Variants in NFIA observed in about 807,000 individuals in gnomAD.
NFIA encodes the protein nuclear factor 1 A-type.
In NFIA, 8 loss-of-function variants were observed where a neutral mutation model predicts 62.8. The ratio of observed to expected loss-of-function variants is 0.13; its 90% CI spans 0.07 to 0.23. The LOEUF is 0.23. NFIA is among the 10% of genes least tolerant of loss of function. The pLI is 1.00. For missense variants in NFIA, 410 were observed against 642.1 expected (o/e 0.64, Z 3.91); for synonymous variants, 235 against 238.1 (o/e 0.99, Z 0.12).
intron 7 of NFIA, among the ~76,000 whole-genome samples, chr1:61,388,833 G>A (rs1664830086): frequency 6.6e-6 from 1 of 152,194 alleles, no homozygotes; most frequent in South Asian, 2.1e-4. Flanking sequence ...ACAAGTATGT[G>A]GCTAGGTATG....
At chr1:61,398,321 A>G (rs1287610138) in intron 7 of NFIA, among the ~76,000 whole-genome samples, 2 of 152,214 alleles carry the variant, frequency 1.3e-5, no homozygotes, top group Non-Finnish European at 2.9e-5. Context: ...AAGGTCTTGA[A>G]GTAGCTAAAA....
At chr1:61,118,772 A>T (rs556604158) in intron 2 of NFIA, among the ~76,000 whole-genome samples, 1 of 151,880 alleles carries the variant, frequency 6.6e-6, no homozygotes, top group East Asian at 1.9e-4. Flanking sequence ...TAAAGTTCAT[A>T]TTGGCGGGAG....
chr1:61,448,045 T>C (rs1400326641), intron 10 of NFIA, among the ~76,000 whole-genome samples: 1 of 152,174 alleles, frequency 6.6e-6, no homozygotes, highest in Non-Finnish European at 1.5e-5. Context: ...TTGTGTACAG[T>C]GGGGGTTTGT....
intron 2 of NFIA, among the ~76,000 whole-genome samples, chr1:61,266,492 G>A (rs1019646280): frequency 7.9e-5 from 12 of 151,948 alleles, no homozygotes; most frequent in Admixed American, 5.9e-4. Context: ...CCATCCTCCC[G>A]GTTCAAGCAA....
chr1:61,291,169 A>C (rs1557686237), intron 3 of NFIA, among the ~76,000 whole-genome samples: 1 of 152,208 alleles, frequency 6.6e-6, no homozygotes, highest in Non-Finnish European at 1.5e-5. Context: ...AGGAATAGCC[A>C]GTCAAGACTG....
rs761329416 is a variant in NFIA, at chr1:61,232,116, AAGATTAAAC to A, written c.560-45400_560-45392del. ...TGGGAAAGTATAAAGCAAGTCCACAAAGATTAAACAGAACAGAACAGTGATTCTGGATTT... is the reference window on the plus strand; with the variant it reads ...TGGGAAAGTATAAAGCAAGTCCACAAAGAACAGAACAGTGATTCTGGATTT... On this transcript the variant is annotated intron_variant, in intron 2 of 10. Coordinates refer to ENST00000403491, the MANE Select transcript of NFIA (RefSeq NM_001134673.4). Among the ~76,000 whole-genome samples, 51 of 152,202 alleles carry A rather than the reference AAGATTAAAC, an allele frequency of 3.4e-4. 1 individual carries two copies. The highest frequency in any genetic ancestry group is 6.8e-4 in the Non-Finnish European group (46 of 68,040).
At chr1:61,419,212 G>A (rs546724877) in intron 9 of NFIA, among the ~76,000 whole-genome samples, 36 of 152,254 alleles carry the variant, frequency 2.4e-4, no homozygotes, top group African/African-American at 7.9e-4. Flanking sequence ...GGAGGCCATC[G>A]CAGGAAGATT....
At chr1:61,126,437 AACACACAC>A (rs61077935) in intron 2 of NFIA, among the ~76,000 whole-genome samples, 16 of 74,832 alleles carry the variant, frequency 2.1e-4, no homozygotes, top group African/African-American at 7.0e-4. Context: ...TTTGAAAATG[AACACACAC>A]ACACACACAC....
chr1:61,277,438 AC>A, intron 2 of NFIA, 81 bp from the exon 3 acceptor site: 1 of 1,293,050 alleles, frequency 7.7e-7, no homozygotes, highest in Admixed American at 1.7e-5. Context: ...TATAGGTTGA[AC>A]CTTTTGAGAA....
At chr1:61,131,442 G>A (rs116558857) in intron 2 of NFIA, among the ~76,000 whole-genome samples, 556 of 152,204 alleles carry the variant, frequency 3.7e-3, no homozygotes, top group Non-Finnish European at 5.4e-3. Context: ...GTGCTGATGT[G>A]TGCATTTAAC....
chr1:61,160,240 T>A (rs1253914177), intron 2 of NFIA, among the ~76,000 whole-genome samples: 1 of 152,174 alleles, frequency 6.6e-6, no homozygotes, highest in Admixed American at 6.5e-5. Context: ...GTTAGTGCTC[T>A]TAAAGGGTAG....
At position 61,393,244 on chromosome 1, in the gene NFIA, CCTCTCTCTCT is replaced by C. The variant is rs766730638; in HGVS notation, c.1075+9917_1075+9926del. The stretch of plus-strand genomic sequence containing the variant: ...ATGGTTTCTTCTGCCTCGCCCTCTC[CCTCTCTCTCT>C]CTCTCTCTCTCTCTCTCTCTCTCTC... On this transcript the variant is annotated intron_variant, in intron 7 of 10. Transcript: ENST00000403491. Among the ~76,000 whole-genome samples the C allele has an allele frequency of 2.7e-3, 78 of 29,100 alleles. 2 individuals carry two copies. Among genetic ancestry groups the C allele is most frequent in the South Asian group, 0.013 (9 of 706 alleles). 19.1% of individuals were successfully genotyped at this position (29,100 alleles called of 152,430 possible). A position where few individuals can be genotyped will look rare whatever the true frequency, so the allele number is the denominator to read the frequency against.
At chr1:61,167,546 A>C (rs1291777385) in intron 2 of NFIA, among the ~76,000 whole-genome samples, 1 of 152,162 alleles carries the variant, frequency 6.6e-6, no homozygotes, top group Non-Finnish European at 1.5e-5. Context: ...GCTGGGTTGC[A>C]TCAATGTCTG....
intron 2 of NFIA, among the ~76,000 whole-genome samples, chr1:61,090,587 GGTT>G (rs1646302977): frequency 6.6e-6 from 1 of 152,168 alleles, no homozygotes; most frequent in Admixed American, 6.5e-5. Context: ...CACAGTTGTT[GGTT>G]GTTGCAATGC....
chr1:61,405,101 T>C (rs1464562937), intron 8 of NFIA, among the ~76,000 whole-genome samples: 3 of 152,220 alleles, frequency 2.0e-5, no homozygotes, highest in Non-Finnish European at 4.4e-5. Context: ...CCATAATTAT[T>C]ACTGGCCAAT....
intron 2 of NFIA, among the ~76,000 whole-genome samples, chr1:61,170,544 G>C (rs1649886246): frequency 6.6e-6 from 1 of 152,140 alleles, no homozygotes; most frequent in African/African-American, 2.4e-5. Flanking sequence ...AGCCTGTGTA[G>C]GATTTCTGGA....
At chr1:61,299,760 C>T (rs904335522) in intron 3 of NFIA, among the ~76,000 whole-genome samples, 2 of 152,150 alleles carry the variant, frequency 1.3e-5, no homozygotes, top group African/African-American at 4.8e-5. Context: ...GTTTGGAACA[C>T]AAGCTGGTTA....
At chr1:61,330,273 T>G (rs1661223788) in intron 3 of NFIA, among the ~76,000 whole-genome samples, 1 of 152,194 alleles carries the variant, frequency 6.6e-6, no homozygotes, top group African/African-American at 2.4e-5. Flanking sequence ...TGTAGATTCA[T>G]TCATCTACTC....
At position 61,341,288 on chromosome 1, in the gene NFIA, T is replaced by G. The variant is rs770313935; in HGVS notation, c.700+8702T>G. On this transcript the variant is annotated intron_variant, in intron 4 of 10. Transcript: ENST00000403491. Reference sequence around the variant, plus strand: ...CCGTGGTCTCGATCTCCTGACCTCGTGATCCGCCCGCCTCCACCTCCCGAA... The same window carrying G: ...CCGTGGTCTCGATCTCCTGACCTCGGGATCCGCCCGCCTCCACCTCCCGAA... 1.2e-3 allele frequency among the ~76,000 whole-genome samples: 175 copies of G among 151,962 alleles called. 1 individual carries two copies. Among genetic ancestry groups the G allele is most frequent in the Non-Finnish European group, 4.7e-4 (32 of 67,976 alleles).
Sources: gnomAD v4.1 joint callset for allele counts (sites outside exome capture counted in the v4.1 genomes callset) on GRCh38, gnomAD v4.1.1 for gene constraint, MANE v1.5 for transcripts, NCBI Gene and HGNC (gene_info 2026-07-23, HGNC 2026-07-21) for gene names.